The following PRKCB variants were observed in gnomAD, a reference collection of about 807,000 sequenced individuals.
The protein encoded by PRKCB is protein kinase C beta type.
A neutral mutation model predicts 81.5 loss-of-function variants in PRKCB; 13 were observed. That is an observed-to-expected ratio of 0.16 (90% CI 0.10 to 0.25). The LOEUF (loss-of-function observed/expected upper bound fraction) is 0.25. PRKCB is among the 10% of genes least tolerant of loss of function. PRKCB has a pLI of 1.00. For synonymous variants in PRKCB, 335 were observed against 321.4 expected (o/e 1.04, Z -0.45); for missense variants, 509 against 875.7 (o/e 0.58, Z 5.29).
intron 16 of PRKCB, among the ~76,000 whole-genome samples, chr16:24,208,780 G>A (rs758157515): frequency 4.6e-5 from 7 of 152,128 alleles, no homozygotes; most frequent in South Asian, 2.1e-4. Flanking sequence ...AAGGGCTGAC[G>A]TCTCCATTTA....
chr16:24,159,897 G>C (rs1386745057), intron 10 of PRKCB, among the ~76,000 whole-genome samples: 1 of 152,040 alleles, frequency 6.6e-6, no homozygotes, highest in Admixed American at 6.6e-5. Context: ...TGGTGGGAGG[G>C]TCAACTGAGC....
intron 4 of PRKCB, among the ~76,000 whole-genome samples, chr16:24,034,981 C>G (rs77087779): frequency 6.6e-6 from 1 of 152,188 alleles, no homozygotes; most frequent in East Asian, 1.9e-4. Flanking sequence ...AGAGCTGTCA[C>G]GTACACATCG....
At chr16:24,017,593 T>G (rs1965295786) in intron 3 of PRKCB, among the ~76,000 whole-genome samples, 1 of 152,156 alleles carries the variant, frequency 6.6e-6, no homozygotes, top group African/African-American at 2.4e-5. Flanking sequence ...TGGGAAAACA[T>G]TTACTGCATA....
At chr16:24,001,328 C>T (rs908132982) in intron 3 of PRKCB, among the ~76,000 whole-genome samples, 5 of 152,120 alleles carry the variant, frequency 3.3e-5, no homozygotes, top group African/African-American at 1.2e-4. Context: ...ACTGTTAGGT[C>T]CTGTGATCTC....
chr16:24,060,823 C>T lies in PRKCB; in HGVS notation c.529+25276C>T, dbSNP rs565035230. On this transcript the variant is annotated intron_variant, in intron 5 of 16. Transcript: ENST00000643927. ...TTGCAGCTACATTGCAGTTCAGTTT[C>T]TCGATTTCATCCTGCTTCCCCCATT... 2.5e-3 allele frequency among the ~76,000 whole-genome samples: 375 copies of T among 152,344 alleles called. 3 individuals carry two copies. The highest frequency in any genetic ancestry group is 3.7e-3 in the Non-Finnish European group (250 of 68,030).
chr16:23,838,265 C>T (rs982623669), intron 2 of PRKCB, among the ~76,000 whole-genome samples: 1 of 152,186 alleles, frequency 6.6e-6, no homozygotes, highest in African/African-American at 2.4e-5. Flanking sequence ...CCAACTTTAA[C>T]TTTGCTGAGA....
chr16:24,053,113 T>C (rs768497179), intron 5 of PRKCB, among the ~76,000 whole-genome samples: 1 of 152,256 alleles, frequency 6.6e-6, no homozygotes, highest in Non-Finnish European at 1.5e-5. Context: ...AATTCTCTGA[T>C]GTGATCCCTC....
chr16:23,959,273 C>T (rs1329080186), intron 2 of PRKCB, among the ~76,000 whole-genome samples: 2 of 152,228 alleles, frequency 1.3e-5, no homozygotes, highest in African/African-American at 4.8e-5. Flanking sequence ...CGTCATCATT[C>T]TCCTGACCAC....
rs900129711 is a variant in PRKCB at position 23,852,240 on chromosome 16, G to A, written c.205+14834G>A. On this transcript the variant is annotated intron_variant, in intron 2 of 16. Transcript: ENST00000643927. ...GTGCTGAGAAGGATGTTAGCTACGGGTTTGTCATAATAGAGCCCATAGTGT... is the reference window on the plus strand; with the variant it reads ...GTGCTGAGAAGGATGTTAGCTACGGATTTGTCATAATAGAGCCCATAGTGT... Among the ~76,000 whole-genome samples the A allele has an allele frequency of 8.5e-5, 13 of 152,300 alleles. 1 individual carries two copies. Among genetic ancestry groups the A allele is most frequent in the South Asian group, 4.1e-4 (2 of 4,820 alleles).
At chr16:24,101,510 G>T (rs548845856) in intron 7 of PRKCB, among the ~76,000 whole-genome samples, 1 of 152,336 alleles carries the variant, frequency 6.6e-6, no homozygotes, top group East Asian at 1.9e-4. Flanking sequence ...TCGCACTCCA[G>T]CCTAGGCAAT....
intron 7 of PRKCB, among the ~76,000 whole-genome samples, chr16:24,096,893 T>C (rs1966452187): frequency 6.6e-6 from 1 of 151,474 alleles, no homozygotes; most frequent in Admixed American, 6.6e-5. Flanking sequence ...TCAGGACCTT[T>C]TCAGCTTCAA....
intron 5 of PRKCB, among the ~76,000 whole-genome samples, chr16:24,041,216 AT>A (rs202084266): frequency 1.3e-5 from 2 of 150,820 alleles, no homozygotes; most frequent in African/African-American, 2.4e-5. Flanking sequence ...TGGCCGGCTA[AT>A]TTTTTTTTGT....
intron 12 of PRKCB, among the ~76,000 whole-genome samples, chr16:24,176,743 T>C (rs954655725): frequency 3.3e-5 from 5 of 151,778 alleles, no homozygotes; most frequent in African/African-American, 1.2e-4. Flanking sequence ...AAAATACGAA[T>C]ATTAGCTGGG....
Position 24,216,279 on chromosome 16 carries a change from C to T in PRKCB, c.*1463C>T, listed in dbSNP as rs1006679188. The T allele has an allele frequency of 4.1e-6, 4 of 985,282 alleles. No individual in the cohort carries two copies. The African/African-American group carries it at 5.2e-5, about 13-fold the overall frequency. 61.0% of individuals were successfully genotyped at this position (985,282 alleles called of 1,614,324 possible). ...AGACCAGCTGGGAACGTGAATGGGG[C>T]TCTTGATTTTCTTATCAAAATCACC... On this transcript the variant is annotated 3_prime_UTR_variant, in exon 17 of 17. Coordinates refer to ENST00000643927, the MANE Select transcript of PRKCB (RefSeq NM_002738.7).
intron 2 of PRKCB, among the ~76,000 whole-genome samples, chr16:23,874,771 T>C (rs1048979310): frequency 1.3e-5 from 2 of 152,224 alleles, no homozygotes; most frequent in Non-Finnish European, 2.9e-5. Flanking sequence ...TCAACTATTT[T>C]GGCAGCCCTC....
At chr16:23,953,846 T>C (rs925491296) in intron 2 of PRKCB, among the ~76,000 whole-genome samples, 2 of 151,052 alleles carry the variant, frequency 1.3e-5, no homozygotes, top group Admixed American at 1.3e-4. Context: ...AAGAGGGCAG[T>C]CAGACATCAA....
At chr16:23,889,807 A>G (rs557161291) in intron 2 of PRKCB, among the ~76,000 whole-genome samples, 2 of 152,332 alleles carry the variant, frequency 1.3e-5, no homozygotes, top group South Asian at 2.1e-4. Flanking sequence ...GAGGGTTATT[A>G]CTGCAGGATA....
At chr16:23,975,587 C>T (rs993998482) in intron 2 of PRKCB, among the ~76,000 whole-genome samples, 5 of 152,140 alleles carry the variant, frequency 3.3e-5, no homozygotes, top group African/African-American at 9.7e-5. Flanking sequence ...GTCACACGCC[C>T]ACGCCTGAAC....
At chr16:24,067,178 T>C (rs1966046919) in intron 5 of PRKCB, among the ~76,000 whole-genome samples, 1 of 152,202 alleles carries the variant, frequency 6.6e-6, no homozygotes, top group Admixed American at 6.5e-5. Context: ...CCAATAGTTC[T>C]CTGGTGAAAC....
Sources: gnomAD v4.1 joint callset for allele counts (sites outside exome capture counted in the v4.1 genomes callset) on GRCh38, gnomAD v4.1.1 for gene constraint, MANE v1.5 for transcripts, NCBI Gene and HGNC (gene_info 2026-07-23, HGNC 2026-07-21) for gene names.